The following TCF12 variants were observed in gnomAD, a reference collection of about 807,000 sequenced individuals.
TCF12 encodes transcription factor 12.
Under a neutral mutation model 86.0 loss-of-function variants are expected in TCF12, and 45 were observed. The observed-to-expected ratio is 0.52, with a 90% CI of 0.41 to 0.67. TCF12 has a LOEUF of 0.67. Among genes scored for constraint, TCF12 ranks in the 30% least tolerant of loss-of-function variants. The pLI is 0.00. For missense variants in TCF12, 881 were observed against 859.9 expected (o/e 1.02, Z -0.31); for synonymous variants, 330 against 299.6 (o/e 1.10, Z -1.05).
intron 14 of TCF12, 28 bp downstream of exon 14, chr15:57,251,451 T>C: frequency 6.2e-7 from 1 of 1,606,260 alleles, no homozygotes; most frequent in Non-Finnish European, 8.5e-7. Flanking sequence ...ATCAGTTTTA[T>C]CTGATAGCTT....
chr15:57,011,103 AT>A (rs1325004755), intron 3 of TCF12, among the ~76,000 whole-genome samples: 1 of 152,158 alleles, frequency 6.6e-6, no homozygotes, highest in African/African-American at 2.4e-5. Context: ...TGTAGCAATC[AT>A]TTTTTAAAAA....
intron 4 of TCF12, among the ~76,000 whole-genome samples, chr15:57,084,702 A>G (rs896540821): frequency 2.0e-5 from 3 of 152,182 alleles, no homozygotes; most frequent in Admixed American, 2.0e-4. Context: ...GATACTATCT[A>G]GTATTTCACA....
At chr15:56,958,182 CTA>C (rs1482813968) in intron 3 of TCF12, among the ~76,000 whole-genome samples, 1 of 152,184 alleles carries the variant, frequency 6.6e-6, no homozygotes. Flanking sequence ...CCTGCCGACT[CTA>C]TGAGATCCGT....
chr15:57,101,593 G>A (rs1397054224), intron 5 of TCF12, among the ~76,000 whole-genome samples: 6 of 152,158 alleles, frequency 3.9e-5, no homozygotes, highest in East Asian at 1.9e-4. Flanking sequence ...ATGTGCACGC[G>A]TGCGTGCACA....
chr15:57,228,206 C>G (rs1351922876), intron 8 of TCF12, among the ~76,000 whole-genome samples: 1 of 152,066 alleles, frequency 6.6e-6, no homozygotes, highest in Admixed American at 6.6e-5. Context: ...AGTCTTTGAT[C>G]TGAAAAATCA....
chr15:57,212,963 TA>T (rs2058175957), intron 8 of TCF12, among the ~76,000 whole-genome samples: 1 of 152,224 alleles, frequency 6.6e-6, no homozygotes, highest in African/African-American at 2.4e-5. Flanking sequence ...TAATGAATGA[TA>T]GGGAGAATAC....
intron 3 of TCF12, among the ~76,000 whole-genome samples, chr15:57,037,219 C>T (rs1276291523): frequency 1.3e-5 from 2 of 152,050 alleles, no homozygotes; most frequent in African/African-American, 4.8e-5. Context: ...GAGGCCAAGG[C>T]GAGCGGATCA....
At chr15:57,248,565 A>G (rs2059966923) in intron 13 of TCF12, among the ~76,000 whole-genome samples, 1 of 152,026 alleles carries the variant, frequency 6.6e-6, no homozygotes, top group Middle Eastern at 3.2e-3. Flanking sequence ...TTTCACAGAA[A>G]AAAATAATAA....
rs1272192081 is a variant in TCF12 at position 57,288,887 on chromosome 15, ACATTTCCC to A, written c.*2746_*2753del. ...TAAGTTATTCTTCAAAGCACTTTTC[ACATTTCCC>A]CATACCCTTTCTCACAAAAAAAGTG... On this transcript the variant is annotated 3_prime_UTR_variant, in exon 21 of 21. Transcript: ENST00000333725. 6.6e-6 allele frequency: 1 copy of A among 152,230 alleles called. No homozygotes were observed. The highest frequency in any genetic ancestry group is 2.4e-5 in the African/African-American group (1 of 41,462). The allele number at this position is 152,230 out of a possible 1,614,324, so 9.4% of individuals were successfully genotyped here. A position where few individuals can be genotyped will look rare whatever the true frequency, so the allele number is the denominator to read the frequency against.
At position 56,960,590 on chromosome 15, in the gene TCF12, C is replaced by T. The variant is rs111784912; in HGVS notation, c.148+39492C>T. Among the ~76,000 whole-genome samples the T allele has an allele frequency of 4.4e-3, 665 of 151,864 alleles. 4 individuals are homozygous for T. Among genetic ancestry groups the T allele is most frequent in the African/African-American group, 0.015 (611 of 41,426 alleles). ...GAGTACAGGCATCTGCCACCATGCACGGCTAATTTTTGTATTTTTAGTAGA... is the reference window on the plus strand; with the variant it reads ...GAGTACAGGCATCTGCCACCATGCATGGCTAATTTTTGTATTTTTAGTAGA... On this transcript the variant is annotated intron_variant, in intron 3 of 20. Transcript: ENST00000333725.
chr15:57,253,178 A>G (rs557586822), intron 15 of TCF12, 84 bp from the exon 16 acceptor site: 3 of 1,456,026 alleles, frequency 2.1e-6, no homozygotes, highest in Admixed American at 1.7e-5. Flanking sequence ...TATCTTCCAC[A>G]TATCACATAG....
At chr15:56,925,132 G>A (rs2059946326) in intron 3 of TCF12, among the ~76,000 whole-genome samples, 1 of 152,096 alleles carries the variant, frequency 6.6e-6, no homozygotes, top group Admixed American at 6.5e-5. Flanking sequence ...CTGGGAGGCA[G>A]AGGTTGCAGT....
At chr15:57,024,923 A>G (rs2065730609) in intron 3 of TCF12, among the ~76,000 whole-genome samples, 1 of 152,194 alleles carries the variant, frequency 6.6e-6, no homozygotes. Flanking sequence ...ATGTTGGGTT[A>G]TGTTTTATGT....
At chr15:57,067,183 C>A (rs1217429665) in intron 4 of TCF12, among the ~76,000 whole-genome samples, 2 of 152,160 alleles carry the variant, frequency 1.3e-5, no homozygotes, top group African/African-American at 2.4e-5. Context: ...ATCAGAAGTA[C>A]CTACAGCAAT....
chr15:56,965,150 G>C (rs2061946540), intron 3 of TCF12, among the ~76,000 whole-genome samples: 1 of 152,148 alleles, frequency 6.6e-6, no homozygotes, highest in African/African-American at 2.4e-5. Context: ...CCTTTCTTGA[G>C]AATGGGACAT....
intron 5 of TCF12, among the ~76,000 whole-genome samples, chr15:57,150,964 T>TCCTTTCC (rs1261531241): frequency 6.8e-6 from 1 of 146,404 alleles, no homozygotes; most frequent in African/African-American, 2.5e-5. Flanking sequence ...CTTTTCCTTT[T>TCCTTTCC]CCTTTCCCCT....
chr15:57,055,096 T>G (rs1425360421), intron 3 of TCF12, among the ~76,000 whole-genome samples: 1 of 152,086 alleles, frequency 6.6e-6, no homozygotes, highest in Admixed American at 6.6e-5. Context: ...GGTCTTCCTC[T>G]GATAACATTA....
At chr15:57,222,920 C>G (rs1243771532) in intron 8 of TCF12, among the ~76,000 whole-genome samples, 2 of 151,182 alleles carry the variant, frequency 1.3e-5, no homozygotes, top group Non-Finnish European at 3.0e-5. Context: ...GACATGATGG[C>G]CTTTTCATTG....
intron 4 of TCF12, among the ~76,000 whole-genome samples, chr15:57,076,940 A>G (rs1286826720): frequency 6.6e-6 from 1 of 152,088 alleles, no homozygotes; most frequent in East Asian, 1.9e-4. Context: ...TTAACTTGTT[A>G]TCTCTGTTAA....
Sources: gnomAD v4.1 joint callset for allele counts (sites outside exome capture counted in the v4.1 genomes callset) on GRCh38, gnomAD v4.1.1 for gene constraint, MANE v1.5 for transcripts, NCBI Gene and HGNC (gene_info 2026-07-23, HGNC 2026-07-21) for gene names.